Variants in ZMYM4 observed in about 807,000 individuals in gnomAD.
ZMYM4 encodes zinc finger MYM-type containing 4.
ZMYM4 carries 31 observed loss-of-function variants against 183.2 expected under a neutral mutation model. The observed-to-expected ratio is 0.17, with a 90% CI of 0.13 to 0.23. ZMYM4 has a LOEUF of 0.23. Ranked by LOEUF, ZMYM4 falls within the 10% of genes least tolerant of loss-of-function variation. The pLI, the probability that ZMYM4 is intolerant of heterozygous loss-of-function variation, is 1.00. For missense variants in ZMYM4, 1,273 were observed against 1,840.3 expected (o/e 0.69, Z 5.64); for synonymous variants, 592 against 631.2 (o/e 0.94, Z 0.93).
At chr1:35,286,627 C>T (rs1490612120) in intron 1 of ZMYM4, among the ~76,000 whole-genome samples, 1 of 142,192 alleles carries the variant, frequency 7.0e-6, no homozygotes, top group African/African-American at 2.6e-5. Flanking sequence ...GAGACAGGAT[C>T]GTACTCTGTT....
intron 23 of ZMYM4, among the ~76,000 whole-genome samples, chr1:35,400,506 G>A (rs1189944452): frequency 6.6e-6 from 1 of 151,990 alleles, no homozygotes; most frequent in Admixed American, 6.6e-5. Context: ...CGCCCGGCCA[G>A]TTCCCTATTT....
At chr1:35,337,212 A>G (rs1226492988) in intron 2 of ZMYM4, among the ~76,000 whole-genome samples, 1 of 152,074 alleles carries the variant, frequency 6.6e-6, no homozygotes, top group African/African-American at 2.4e-5. Context: ...AAAATACGAA[A>G]TTAGCTGGAT....
At chr1:35,326,871 T>C (rs1350416520) in intron 2 of ZMYM4, among the ~76,000 whole-genome samples, 1 of 152,166 alleles carries the variant, frequency 6.6e-6, no homozygotes, top group East Asian at 1.9e-4. Context: ...TTTTTCTCTC[T>C]TTTTTTGAGA....
intron 2 of ZMYM4, among the ~76,000 whole-genome samples, chr1:35,347,245 G>A (rs1325041487): frequency 6.6e-6 from 1 of 152,190 alleles, no homozygotes; most frequent in Non-Finnish European, 1.5e-5. Flanking sequence ...GACCTCAGGT[G>A]ATCCACCGGC....
At chr1:35,309,052 A>G (rs930441332) in intron 1 of ZMYM4, 1 of 985,242 alleles carries the variant, frequency 1.0e-6, no homozygotes, top group African/African-American at 1.7e-5. Flanking sequence ...TTGGGGAGAA[A>G]TGGTGGGTGG....
At chr1:35,288,497 G>T (rs979842177) in intron 1 of ZMYM4, among the ~76,000 whole-genome samples, 2 of 152,192 alleles carry the variant, frequency 1.3e-5, no homozygotes, top group Non-Finnish European at 1.5e-5. Flanking sequence ...TATCACGCTA[G>T]CTTTGGTAGA....
At chr1:35,386,932 A>G (rs1644590967) in intron 11 of ZMYM4, 71 bp from the exon 12 acceptor site, 3 of 1,500,244 alleles carry the variant, frequency 2.0e-6, no homozygotes, top group Non-Finnish European at 2.7e-6. Context: ...TGCTTGGCAT[A>G]TGTAGGCACA....
Position 35,297,893 on chromosome 1 carries a change from C to T in ZMYM4, c.40-27467C>T, listed in dbSNP as rs1212986355. On this transcript the variant is annotated intron_variant, in intron 1 of 29. Transcript: ENST00000314607. ...ACCACTGCCACTACCAGTCCTGTAT[C>T]AGAGGACAGAAACCACACAGTAATT... is the stretch of plus-strand genomic sequence containing the variant. 2.0e-5 allele frequency among the ~76,000 whole-genome samples: 3 copies of T among 152,194 alleles called. No individual in the cohort carries two copies. In the South Asian group the frequency reaches 6.2e-4, roughly 32 times the overall value.
At chr1:35,284,499 T>C (rs1640371171) in intron 1 of ZMYM4, among the ~76,000 whole-genome samples, 1 of 152,222 alleles carries the variant, frequency 6.6e-6, no homozygotes, top group Admixed American at 6.5e-5. Context: ...CAATCTTTTG[T>C]GTATGAATAT....
At chr1:35,297,249 AT>A (rs1397353658) in intron 1 of ZMYM4, among the ~76,000 whole-genome samples, 10 of 152,080 alleles carry the variant, frequency 6.6e-5, no homozygotes, top group Middle Eastern at 6.8e-3. Context: ...AATTCAACTA[AT>A]TTTGTAATTC....
chr1:35,273,846 A>T (rs936432087), intron 1 of ZMYM4, among the ~76,000 whole-genome samples: 1 of 152,184 alleles, frequency 6.6e-6, no homozygotes, highest in African/African-American at 2.4e-5. Context: ...AAATTTCACA[A>T]AGTGGAAAAA....
chr1:35,294,826 A>G (rs540216514), intron 1 of ZMYM4, among the ~76,000 whole-genome samples: 1 of 152,378 alleles, frequency 6.6e-6, no homozygotes, highest in East Asian at 1.9e-4. Flanking sequence ...ATTTGACTAC[A>G]TTGAAAACAT....
At chr1:35,311,768 T>C (rs1641812171) in intron 1 of ZMYM4, among the ~76,000 whole-genome samples, 1 of 152,214 alleles carries the variant, frequency 6.6e-6, no homozygotes, top group Non-Finnish European at 1.5e-5. Context: ...AATAAAGCAA[T>C]AGTCTATATA....
chr1:35,291,021 G>T (rs76820741), intron 1 of ZMYM4, among the ~76,000 whole-genome samples: 3 of 152,080 alleles, frequency 2.0e-5, no homozygotes, highest in African/African-American at 4.8e-5. Context: ...TCCTTTCATT[G>T]TACAGTTCTG....
Position 35,374,660 on chromosome 1 carries a change from A to G in ZMYM4, c.1181+4033A>G, listed in dbSNP as rs572718766. 8.7e-5 allele frequency among the ~76,000 whole-genome samples: 13 copies of G among 148,774 alleles called. 2 individuals carry two copies. The highest frequency in any genetic ancestry group is 2.7e-4 in the African/African-American group (11 of 40,438). On this transcript the variant is annotated intron_variant, in intron 7 of 29. Coordinates refer to ENST00000314607, the MANE Select transcript of ZMYM4 (RefSeq NM_005095.3). ...CCCCAGCTCCTAAAAAAAGTCAGCC[A>G]CATCTCCGTCTCAAAAAAAAAAAAA...
chr1:35,282,548 C>CTTAT (rs952299694), intron 1 of ZMYM4, among the ~76,000 whole-genome samples: 6 of 152,024 alleles, frequency 3.9e-5, no homozygotes, highest in African/African-American at 7.2e-5. Context: ...TCTGTTTATC[C>CTTAT]TTATTTATTT....
chr1:35,419,189 A>G (rs1640237613), intron 29 of ZMYM4, among the ~76,000 whole-genome samples: 4 of 152,112 alleles, frequency 2.6e-5, no homozygotes, highest in African/African-American at 9.7e-5. Context: ...TATTAACTTT[A>G]TACTCACTTC....
At chr1:35,314,029 C>G (rs536664121) in intron 1 of ZMYM4, among the ~76,000 whole-genome samples, 23 of 152,082 alleles carry the variant, frequency 1.5e-4, no homozygotes, top group Non-Finnish European at 2.9e-4. Context: ...GAGAAGCAGT[C>G]CAAGGTTTTT....
At chr1:35,270,995 A>G (rs1178442149) in intron 1 of ZMYM4, among the ~76,000 whole-genome samples, 1 of 152,188 alleles carries the variant, frequency 6.6e-6, no homozygotes, top group Non-Finnish European at 1.5e-5. Context: ...ATGTCCAAAT[A>G]GTTTTGTAAG....
Sources: gnomAD v4.1 joint callset for allele counts (sites outside exome capture counted in the v4.1 genomes callset) on GRCh38, gnomAD v4.1.1 for gene constraint, MANE v1.5 for transcripts, NCBI Gene and HGNC (gene_info 2026-07-23, HGNC 2026-07-21) for gene names.